TMOD1: variants seen among roughly 807,000 people sequenced by gnomAD.
TMOD1 encodes tropomodulin-1.
In TMOD1, 17 loss-of-function variants were observed where a neutral mutation model predicts 40.6. That is an observed-to-expected ratio of 0.42 (90% CI 0.29 to 0.63). The LOEUF is 0.63. TMOD1 is among the 20% of genes least tolerant of loss of function. The pLI is 0.22. For missense variants in TMOD1, 391 were observed against 447.6 expected, an observed-to-expected ratio of 0.87 and a Z score of 1.14; for synonymous variants, 181 against 175.0, an observed-to-expected ratio of 1.03 and a Z score of -0.27.
chr9:97,538,635 A>G (rs1025969058), intron 2 of TMOD1, among the ~76,000 whole-genome samples: 1 of 152,176 alleles, frequency 6.6e-6, no homozygotes, highest in South Asian at 2.1e-4. Context: ...CTATTCAGTA[A>G]AGTAGACCTT....
chr9:97,577,162 C>T (rs559993332), intron 8 of TMOD1, among the ~76,000 whole-genome samples: 14 of 152,310 alleles, frequency 9.2e-5, no homozygotes, highest in South Asian at 4.1e-4. Context: ...GTTGCCAGTC[C>T]GGGCATGACC....
At chr9:97,505,195 T>C (rs1357954484) in intron 1 of TMOD1, among the ~76,000 whole-genome samples, 3 of 152,170 alleles carry the variant, frequency 2.0e-5, no homozygotes, top group African/African-American at 7.2e-5. Context: ...CAAGCATGCC[T>C]TTTGTTTCTC....
At chr9:97,544,264 G>A (rs1165527735) in intron 2 of TMOD1, among the ~76,000 whole-genome samples, 2 of 152,308 alleles carry the variant, frequency 1.3e-5, no homozygotes, top group African/African-American at 2.4e-5. Flanking sequence ...TAGGCCAGAT[G>A]TGGTGGTTCA....
intron 2 of TMOD1, among the ~76,000 whole-genome samples, chr9:97,532,880 A>G (rs1196697846): frequency 1.3e-5 from 2 of 152,218 alleles, no homozygotes; most frequent in Non-Finnish European, 2.9e-5. Flanking sequence ...TACCATTTAC[A>G]TTTTCAGAAC....
chr9:97,546,174 C>G lies in TMOD1; in HGVS notation c.121-11C>G, dbSNP rs1487227560. ...TCTCTCTCTCCTGCCCCCCCACAAC[C>G]TCCAATGTAGAATGCACTGCTGCCT... On this transcript the variant is annotated splice_polypyrimidine_tract_variant and intron_variant, in intron 2 of 9. Transcript: ENST00000259365. The G allele has an allele frequency of 6.2e-7, 1 of 1,602,334 alleles. No homozygotes were observed. The highest frequency in any genetic ancestry group is 8.5e-7 in the Non-Finnish European group (1 of 1,176,602).
intron 1 of TMOD1, among the ~76,000 whole-genome samples, chr9:97,509,473 G>C (rs1398363345): frequency 6.8e-6 from 1 of 147,330 alleles, no homozygotes; most frequent in Non-Finnish European, 1.5e-5. Flanking sequence ...CGTTTTGGGG[G>C]TTTTGGGTTT....
chr9:97,587,929 G>A (rs1177815886), intron 8 of TMOD1, among the ~76,000 whole-genome samples: 1 of 152,158 alleles, frequency 6.6e-6, no homozygotes, highest in Admixed American at 6.5e-5. Context: ...GCACATATCA[G>A]AACTTTATTC....
chr9:97,580,899 T>C (rs1825734935), intron 8 of TMOD1, among the ~76,000 whole-genome samples: 1 of 151,784 alleles, frequency 6.6e-6, no homozygotes, highest in Admixed American at 6.6e-5. Flanking sequence ...ATATATAATG[T>C]TATCTAAATG....
chr9:97,559,780 A>T (rs1587942498), intron 4 of TMOD1, among the ~76,000 whole-genome samples: 2 of 33,768 alleles, frequency 5.9e-5, no homozygotes, highest in Non-Finnish European at 5.2e-5. Flanking sequence ...TTTAAAAAAA[A>T]AAAAAAAAAA....
rs1278974178 is a variant in TMOD1 at position 97,501,775 on chromosome 9, C to G, written c.-77C>G. The G allele has an allele frequency of 2.0e-5, 3 of 152,726 alleles. No individual in the cohort carries two copies. Among genetic ancestry groups the G allele is most frequent in the African/African-American group, 7.3e-5 (3 of 41,332 alleles). The allele number at this position is 152,726 out of a possible 1,614,324, so 9.5% of individuals were successfully genotyped here. Reference sequence around the variant, plus strand: ...CCCGCGCCTGTTCCGCAGCCCGCGTCCGCGCCGGCCCCACAGCTCTGCGTC... The same window carrying G: ...CCCGCGCCTGTTCCGCAGCCCGCGTGCGCGCCGGCCCCACAGCTCTGCGTC... On this transcript the variant is annotated 5_prime_UTR_variant, in exon 1 of 10. Transcript: ENST00000259365.
In TMOD1 at chr9:97,564,072, C is replaced by G. The variant is rs768850043; in HGVS notation, c.522C>G (p.Pro174=). ...VIKPTQYKPV[P]DEEPNSTDVE... ...AACCCACACAATACAAGCCTGTGCC[C>G]GACGAAGAACCAAATTCAACAGACG... Residue 174 remains proline (P), a synonymous_variant, in exon 6 of 10, where the codon CCC becomes CCG. Transcript: ENST00000259365. 1 of 1,614,102 alleles carries G rather than the reference C, an allele frequency of 6.2e-7. No homozygotes were observed. Among genetic ancestry groups the G allele is most frequent in the African/African-American group, 1.3e-5 (1 of 75,018 alleles).
Position 97,600,731 on chromosome 9 carries a change from A to C in TMOD1, c.*1033A>C. On this transcript the variant is annotated 3_prime_UTR_variant, in exon 10 of 10. Coordinates refer to ENST00000259365, the MANE Select transcript of TMOD1 (RefSeq NM_003275.4). Reference sequence around the variant, plus strand: ...CCGGACAATGGTGAAGAAACTCCAGATATCAAGGAATTGGGAAATCCTGGC... The same window carrying C: ...CCGGACAATGGTGAAGAAACTCCAGCTATCAAGGAATTGGGAAATCCTGGC... 9.9e-7 allele frequency: 1 copy of C among 1,007,686 alleles called. No individual in the cohort carries two copies. Among genetic ancestry groups the C allele is most frequent in the Non-Finnish European group, 1.2e-6 (1 of 843,366 alleles). The allele number at this position is 1,007,686 out of a possible 1,614,324, so 62.4% of individuals were successfully genotyped here. A position where few individuals can be genotyped will look rare whatever the true frequency, so the allele number is the denominator to read the frequency against.
intron 4 of TMOD1, among the ~76,000 whole-genome samples, chr9:97,556,202 C>G (rs961031917): frequency 3.9e-5 from 6 of 152,100 alleles, no homozygotes; most frequent in African/African-American, 1.2e-4. Context: ...GCAGCTTCAC[C>G]AAGAGCCCAG....
At chr9:97,574,716 C>G (rs1287423963) in intron 8 of TMOD1, among the ~76,000 whole-genome samples, 1 of 152,248 alleles carries the variant, frequency 6.6e-6, no homozygotes, top group Admixed American at 6.5e-5. Flanking sequence ...CTGTATCTAG[C>G]TCAAGGTTTG....
Position 97,601,395 on chromosome 9 carries a change from CTG to C in TMOD1, c.*1700_*1701del. 1 of 1,045,702 alleles carries C rather than the reference CTG, an allele frequency of 9.6e-7. No homozygotes were observed. The highest frequency in any genetic ancestry group is 1.2e-6 in the Non-Finnish European group (1 of 864,296). 64.8% of individuals were successfully genotyped at this position (1,045,702 alleles called of 1,614,324 possible). A position where few individuals can be genotyped will look rare whatever the true frequency, so the allele number is the denominator to read the frequency against. Reference sequence around the variant, plus strand: ...TGTATTCCAGGTGCTGATCTAAAAACTGTGGCTCAAATGTCACCGAGCTTATA... The same window carrying C: ...TGTATTCCAGGTGCTGATCTAAAAACTGGCTCAAATGTCACCGAGCTTATA... On this transcript the variant is annotated 3_prime_UTR_variant, in exon 10 of 10. Transcript: ENST00000259365.
chr9:97,574,036 CTG>C (rs1439861809), intron 8 of TMOD1, among the ~76,000 whole-genome samples: 1 of 152,192 alleles, frequency 6.6e-6, no homozygotes, highest in African/African-American at 2.4e-5. Context: ...ACCTCTGTAA[CTG>C]AGAGGTGACA....
Position 97,564,125 on chromosome 9 carries a change from A to G in TMOD1, c.575A>G (p.Asn192Ser), listed in dbSNP as rs1830688801. ...GAGGAAACGCTGGAACGGATAAAGA[A>G]CAACGACCCAAAACTTGAAGAAGTT... is the stretch of plus-strand genomic sequence containing the variant. ...DVEETLERIK[N>S]NDPKLEEVNL... is the part of the protein sequence containing the mutation. The change falls in exon 6 of 10, where the codon AAC (asparagine) becomes AGC (serine). Residue 192 changes from asparagine (N) to serine (S), a missense_variant. Asn to Ser is a conservative substitution (Grantham distance 46). Coordinates refer to ENST00000259365, the MANE Select transcript of TMOD1 (RefSeq NM_003275.4). The G allele has an allele frequency of 6.2e-7, 1 of 1,613,440 alleles. No individual in the cohort carries two copies. The highest frequency in any genetic ancestry group is 8.5e-7 in the Non-Finnish European group (1 of 1,179,636).
intron 1 of TMOD1, among the ~76,000 whole-genome samples, chr9:97,517,336 G>GA (rs1049776206): frequency 4.0e-5 from 6 of 149,832 alleles, no homozygotes; most frequent in Admixed American, 6.6e-5. Context: ...GGTGATGGGG[G>GA]AAAAAAAAAA....
At chr9:97,555,060 GA>G (rs1830515133) in intron 4 of TMOD1, among the ~76,000 whole-genome samples, 1 of 152,176 alleles carries the variant, frequency 6.6e-6, no homozygotes, top group Non-Finnish European at 1.5e-5. Context: ...GACTGAGAGA[GA>G]ATGGTTTTCC....
Sources: allele counts gnomAD v4.1 joint callset (sites outside exome capture counted in the v4.1 genomes callset), GRCh38; gene constraint gnomAD v4.1.1; transcripts MANE v1.5; gene names NCBI Gene and HGNC (gene_info 2026-07-23, HGNC 2026-07-21).